COL6A6: variants seen among roughly 807,000 people sequenced by gnomAD.
COL6A6 encodes the protein collagen alpha-6(VI) chain.
A neutral mutation model predicts 208.6 loss-of-function variants in COL6A6; 183 were observed. That is an observed-to-expected ratio of 0.88 (90% CI 0.78 to 0.99). COL6A6 has a LOEUF of 0.99. COL6A6 is among the 50% of genes least tolerant of loss of function. The probability of loss-of-function intolerance (pLI) is 0.00; values close to 1 mark genes in which losing one functional copy is unlikely to be tolerated. For missense variants in COL6A6, 2,816 were observed against 2,815.2 expected (o/e 1.00, Z -0.01); for synonymous variants, 973 against 1,011.8 (o/e 0.96, Z 0.73).
intron 33 of COL6A6, among the ~76,000 whole-genome samples, chr3:130,650,449 C>T (rs1483653948): frequency 6.6e-6 from 1 of 152,008 alleles, no homozygotes; most frequent in African/African-American, 2.4e-5. Flanking sequence ...GGTGAAACCC[C>T]GTCTCTACTA....
chr3:130,650,939 G>A lies in COL6A6; in HGVS notation c.5733+1377G>A, dbSNP rs182181439. ...GACTTCTATTTTTCCTAGATTAGAG[G>A]CTAAAAGTGGCCTTTTGAGGCCATT... On this transcript the variant is annotated intron_variant, in intron 33 of 36. Transcript: ENST00000358511. 2.0e-3 allele frequency among the ~76,000 whole-genome samples: 303 copies of A among 152,276 alleles called. 1 individual carries two copies. The highest frequency in any genetic ancestry group is 3.6e-3 in the Non-Finnish European group (242 of 68,024).
chr3:130,585,081 C>G (rs898851362), intron 10 of COL6A6, among the ~76,000 whole-genome samples: 1 of 152,158 alleles, frequency 6.6e-6, no homozygotes, highest in Non-Finnish European at 1.5e-5. Context: ...TGACTCTCAG[C>G]CAAGTCCTTG....
intron 1 of COL6A6, among the ~76,000 whole-genome samples, chr3:130,554,033 C>T (rs867739235): frequency 2.6e-5 from 4 of 152,116 alleles, no homozygotes; most frequent in Non-Finnish European, 4.4e-5. Flanking sequence ...AGGCCCCTGG[C>T]GTTGTTCTCT....
intron 1 of COL6A6, among the ~76,000 whole-genome samples, chr3:130,521,680 CTG>C (rs1711080033): frequency 6.6e-6 from 1 of 152,188 alleles, no homozygotes; most frequent in Non-Finnish European, 1.5e-5. Context: ...GTGACTCTGT[CTG>C]AGGGCTTTAT....
chr3:130,590,706 C>T (rs1027187685), intron 12 of COL6A6, among the ~76,000 whole-genome samples: 7 of 151,768 alleles, frequency 4.6e-5, no homozygotes, highest in African/African-American at 9.7e-5. Flanking sequence ...TAGCTGGGAC[C>T]ACAGGCACCC....
chr3:130,661,877 C>T lies in COL6A6; in HGVS notation c.6071C>T (p.Thr2024Ile). 1.2e-6 allele frequency: 2 copies of T among 1,613,978 alleles called. No homozygotes were observed. The highest frequency in any genetic ancestry group is 2.2e-5 in the East Asian group (1 of 44,880). ...GCTCCCCCCGACTTCCTACCCAACA[C>T]TCAGAAGAGTCCAGTTAGAGCTGAG... ...SHAPPDFLPN[T>I]QKSPVRAEFN... The change falls in exon 35 of 37, where the codon ACT (threonine) becomes ATT (isoleucine). Residue 2024 changes from threonine (T) to isoleucine (I), a missense_variant. By Grantham distance (89) the Thr-to-Ile change is moderately conservative. Coordinates refer to ENST00000358511, the MANE Select transcript of COL6A6 (RefSeq NM_001102608.3).
At chr3:130,595,267 C>A (rs2063823085) in intron 18 of COL6A6, among the ~76,000 whole-genome samples, 2 of 152,034 alleles carry the variant, frequency 1.3e-5, no homozygotes, top group African/African-American at 2.4e-5. Context: ...CATCACCATA[C>A]CCACACTTAA....
At position 130,581,721 on chromosome 3, in the gene COL6A6, G is replaced by A. The variant is rs2063426824; in HGVS notation, c.3708G>A (p.Gln1236=). Residue 1236 remains glutamine, a synonymous_variant, in exon 9 of 37, where the codon CAG becomes CAA. Transcript: ENST00000358511. ...GCTGTGAGGTGGGCACAGAGACTCAGGTCAGTGTGGCTTTTCAAGTGACCA... is the reference window on the plus strand; with the variant it reads ...GCTGTGAGGTGGGCACAGAGACTCAAGTCAGTGTGGCTTTTCAAGTGACCA... ...GVSCEVGTET[Q]VSVAFQVTNA... 9.9e-6 allele frequency: 16 copies of A among 1,613,956 alleles called. No individual in the cohort carries two copies. The highest frequency in any genetic ancestry group is 1.3e-5 in the African/African-American group (1 of 75,030).
intron 33 of COL6A6, among the ~76,000 whole-genome samples, chr3:130,656,577 G>T (rs1026601751): frequency 6.6e-6 from 1 of 152,220 alleles, no homozygotes; most frequent in Non-Finnish European, 1.5e-5. Flanking sequence ...AGCACCATAA[G>T]TTCCCATTTT....
intron 1 of COL6A6, among the ~76,000 whole-genome samples, chr3:130,533,997 C>G (rs149405306): frequency 1.3e-5 from 2 of 152,202 alleles, no homozygotes; most frequent in Admixed American, 6.5e-5. Context: ...GCAATTTTTA[C>G]GAACATATAT....
Position 130,565,476 on chromosome 3 carries a change from C to T in COL6A6, c.1144C>T (p.Pro382Ser). 1 of 1,614,014 alleles carries T rather than the reference C, an allele frequency of 6.2e-7. No homozygotes were observed. The highest frequency in any genetic ancestry group is 8.5e-7 in the Non-Finnish European group (1 of 1,179,896). The change falls in exon 4 of 37, where the codon CCT (proline) becomes TCT (serine). Residue 382 changes from proline (P) to serine (S), a missense_variant. Pro to Ser is a moderately conservative substitution (Grantham distance 74, BLOSUM62 -1). Coordinates refer to ENST00000358511, the MANE Select transcript of COL6A6 (RefSeq NM_001102608.3). ...CCAGTTGGAAAAGATAGCATCCCAC[C>T]CTGCTGAGCAGTATGTCTCCAAACT... ...DTQLEKIASH[P>S]AEQYVSKLKT...
At chr3:130,664,242 A>G (rs2066015555) in intron 35 of COL6A6, among the ~76,000 whole-genome samples, 1 of 152,250 alleles carries the variant, frequency 6.6e-6, no homozygotes, top group Non-Finnish European at 1.5e-5. Flanking sequence ...ATTAAAAATC[A>G]GGTGCACAAT....
Position 130,594,271 on chromosome 3 carries a change from T to C in COL6A6, c.4471-10T>C, listed in dbSNP as rs546070007. 6.2e-7 allele frequency: 1 copy of C among 1,604,914 alleles called. No homozygotes were observed. Among genetic ancestry groups the C allele is most frequent in the East Asian group, 2.2e-5 (1 of 44,824 alleles). On this transcript the variant is annotated splice_polypyrimidine_tract_variant and intron_variant, in intron 17 of 36. Transcript: ENST00000358511. Reference sequence around the variant, plus strand: ...TGTCTTGTTTTTCTTCTGATTTGTATTAACTTTAGGGAAGCCCAGGGAAGA... The same window carrying C: ...TGTCTTGTTTTTCTTCTGATTTGTACTAACTTTAGGGAAGCCCAGGGAAGA...
intron 36 of COL6A6, among the ~76,000 whole-genome samples, chr3:130,674,409 A>G (rs1022045850): frequency 1.4e-4 from 21 of 152,140 alleles, no homozygotes; most frequent in African/African-American, 4.1e-4. Flanking sequence ...TGATTTCTCA[A>G]CCTGTCCTGC....
chr3:130,582,013 A>G lies in COL6A6; in HGVS notation c.3915A>G (p.Gly1305=), dbSNP rs761911890. 1.2e-6 allele frequency: 2 copies of G among 1,610,324 alleles called. No homozygotes were observed. The highest frequency in any genetic ancestry group is 1.7e-5 in the Admixed American group (1 of 59,474). ...RGKVVLLFSD[G]LDDDVEKLEQ... The stretch of plus-strand genomic sequence containing the variant: ...AGGTGGTCCTTTTATTTTCAGATGG[A>G]TTGGATGATGATGTTGAGAAACTTG... Residue 1305 remains glycine (G), a synonymous_variant, in exon 10 of 37, where the codon GGA becomes GGG. Transcript: ENST00000358511.
chr3:130,570,746 A>T (rs1009813931), intron 6 of COL6A6, 72 bp from the exon 7 acceptor site: 1 of 1,157,368 alleles, frequency 8.6e-7, no homozygotes, highest in South Asian at 1.5e-5. Flanking sequence ...AGCAATTTAT[A>T]AAAAGGTTGA....
At chr3:130,516,882 G>A (rs111540893), upstream of COL6A6, among the ~76,000 whole-genome samples, 1 of 152,222 alleles carries the variant, frequency 6.6e-6, no homozygotes, top group East Asian at 1.9e-4. Flanking sequence ...GTGCGCCTCG[G>A]ATCTGCACGC....
Position 130,599,832 on chromosome 3 carries a change from G to A in COL6A6, c.4653+22G>A, listed in dbSNP as rs750619218. The A allele has an allele frequency of 2.2e-5, 35 of 1,612,518 alleles. No individual in the cohort carries two copies. In the Admixed American group the frequency reaches 4.7e-4, roughly 22 times the overall value. On this transcript the variant is annotated intron_variant, in intron 20 of 36. Transcript: ENST00000358511. ...GACAGTAAGAGCCCTTCTAGACAAG[G>A]AGACCCACTGTTTTGGTGGCTCATG...
At chr3:130,544,906 T>A (rs932739093) in intron 1 of COL6A6, among the ~76,000 whole-genome samples, 4 of 152,226 alleles carry the variant, frequency 2.6e-5, no homozygotes, top group South Asian at 4.1e-4. Context: ...TGAGGTTTTT[T>A]AAATATTAAC....
Sources: gnomAD v4.1 joint callset for allele counts (sites outside exome capture counted in the v4.1 genomes callset) on GRCh38, gnomAD v4.1.1 for gene constraint, MANE v1.5 for transcripts, NCBI Gene and HGNC (gene_info 2026-07-23, HGNC 2026-07-21) for gene names.